DMXL2: variants seen among roughly 807,000 people sequenced by gnomAD.
DMXL2 encodes the protein dmX-like protein 2.
In DMXL2, 103 loss-of-function variants were observed where a neutral mutation model predicts 331.1. The observed-to-expected ratio is 0.31, with a 90% CI of 0.27 to 0.37. The LOEUF is 0.37. DMXL2 is among the 10% of genes least tolerant of loss of function. The pLI is 1.00. For missense variants in DMXL2, 3,171 were observed against 3,642.9 expected (o/e 0.87, Z 3.33); for synonymous variants, 1,281 against 1,252.1 (o/e 1.02, Z -0.49).
chr15:51,480,852 T>G lies in DMXL2; in HGVS notation c.6254A>C (p.His2085Pro), dbSNP rs749845535. The G allele has an allele frequency of 6.2e-7, 1 of 1,613,060 alleles. No homozygotes were observed. The highest frequency in any genetic ancestry group is 8.5e-7 in the Non-Finnish European group (1 of 1,179,632). Residue 2085 changes from histidine to proline, a missense_variant, in exon 24 of 44, where the codon CAT becomes CCT. Physicochemically the swap from His to Pro is moderately conservative, Grantham distance 77. This residue lies in a region of DMXL2 where 197 missense variants were observed against 196.2 expected (regional missense o/e 1.00). Coordinates refer to ENST00000560891, the MANE Select transcript of DMXL2 (RefSeq NM_001378457.1). Reference protein sequence around the residue: ...NWLEKEIAALHEICNHESVIK... With the variant: ...NWLEKEIAALPEICNHESVIK... ...AACTGATTCATGATTACATATCTCATGCAAGGCAGCAATTTCCTTTTCAAG... is the reference window on the plus strand; with the variant it reads ...AACTGATTCATGATTACATATCTCAGGCAAGGCAGCAATTTCCTTTTCAAG...
chr15:51,461,162 T>C (rs1464047157), intron 33 of DMXL2, among the ~76,000 whole-genome samples: 1 of 152,242 alleles, frequency 6.6e-6, no homozygotes, highest in Non-Finnish European at 1.5e-5. Flanking sequence ...GATGCTTATA[T>C]AGCACTTTAA....
rs2050136138 is a variant in DMXL2 at position 51,564,223 on chromosome 15, C to T, written c.402G>A (p.Leu134=). ...RLLTATDSIQ[L]WAPPGDDILE... ...GAATATCATCTCCTGGAGGAGCCCA[C>T]AACTGAATAGAATCAGTTGCTGTCA... Residue 134 remains leucine (L), a synonymous_variant, in exon 5 of 44, where the codon TTG becomes TTA. Coordinates refer to ENST00000560891, the MANE Select transcript of DMXL2 (RefSeq NM_001378457.1). 3 of 1,604,676 alleles carry T rather than the reference C, an allele frequency of 1.9e-6. No homozygotes were observed. The highest frequency in any genetic ancestry group is 2.5e-6 in the Non-Finnish European group (3 of 1,176,716).
intron 1 of DMXL2, among the ~76,000 whole-genome samples, chr15:51,597,297 A>G (rs2052894016): frequency 6.6e-6 from 1 of 152,194 alleles, no homozygotes; most frequent in Non-Finnish European, 1.5e-5. Flanking sequence ...CGTCTCAAGC[A>G]AAAGTAGCCA....
chr15:51,587,899 T>C (rs1263181005), intron 1 of DMXL2, among the ~76,000 whole-genome samples: 2 of 152,186 alleles, frequency 1.3e-5, no homozygotes, highest in African/African-American at 4.8e-5. Flanking sequence ...TGGTTTTGAT[T>C]TGCATTTCTC....
chr15:51,585,245 G>A (rs983356204), intron 1 of DMXL2, among the ~76,000 whole-genome samples: 2 of 126,468 alleles, frequency 1.6e-5, no homozygotes, highest in African/African-American at 3.1e-5. Flanking sequence ...TGCCCATTCA[G>A]TATGATATTG....
rs2041953821 is a variant in DMXL2, at chr15:51,480,775, C to T, written c.6331G>A (p.Asp2111Asn). ...TYSKVESDLL[D>N]QEEMVDKPDI... ...GGTTTGTCTACCATTTCTTCCTGAT[C>T]CAGCAGATCACTCTCTACTTTGGAA... The change falls in exon 24 of 44, where the codon GAT (aspartate) becomes AAT (asparagine). Residue 2111 changes from aspartate (D) to asparagine (N), a missense_variant. Transcript: ENST00000560891. 6.2e-7 allele frequency: 1 copy of T among 1,600,904 alleles called. No homozygotes were observed.
In DMXL2 at chr15:51,457,542, T is replaced by C. The variant is rs2039737995; in HGVS notation, c.8199-76A>G. The C allele has an allele frequency of 4.6e-6, 7 of 1,530,546 alleles. No individual in the cohort carries two copies. In the South Asian group the frequency reaches 7.4e-5, roughly 16 times the overall value. The allele number at this position is 1,530,546 out of a possible 1,614,324, so 94.8% of individuals were successfully genotyped here. On this transcript the variant is annotated intron_variant, in intron 36 of 43. Coordinates refer to ENST00000560891, the MANE Select transcript of DMXL2 (RefSeq NM_001378457.1). ...CAAATTCCAACTAAAAATCTTCTTATGTACCCATAGGACAATCTTTATTTT... is the reference window on the plus strand; with the variant it reads ...CAAATTCCAACTAAAAATCTTCTTACGTACCCATAGGACAATCTTTATTTT...
chr15:51,586,431 C>T (rs145917744), intron 1 of DMXL2, among the ~76,000 whole-genome samples: 85 of 152,066 alleles, frequency 5.6e-4, no homozygotes, highest in African/African-American at 1.7e-3. Flanking sequence ...CTTAAGAAAA[C>T]GTTCTAAGCG....
At chr15:51,521,641 A>G (rs951015731) in intron 13 of DMXL2, among the ~76,000 whole-genome samples, 1 of 152,168 alleles carries the variant, frequency 6.6e-6, no homozygotes, top group African/African-American at 2.4e-5. Flanking sequence ...AATGAATCCA[A>G]TGAGCTGGCT....
At position 51,499,325 on chromosome 15, in the gene DMXL2, G is replaced by A; in HGVS notation, c.3899C>T (p.Thr1300Ile). 1 of 1,613,844 alleles carries A rather than the reference G, an allele frequency of 6.2e-7. No individual in the cohort carries two copies. Among genetic ancestry groups the A allele is most frequent in the African/African-American group, 1.3e-5 (1 of 75,028 alleles). ...AEEAAMQDHS[T>I]FKSNMLARKS... ...TCTTGCCAGCATATTAGATTTAAAG[G>A]TCGAATGATCTTGCATTGCTGCCTC... The change falls in exon 18 of 44, where the codon ACC (threonine) becomes ATC (isoleucine). Residue 1300 changes from threonine to isoleucine, a missense_variant. Coordinates refer to ENST00000560891, the MANE Select transcript of DMXL2 (RefSeq NM_001378457.1).
intron 13 of DMXL2, among the ~76,000 whole-genome samples, chr15:51,527,364 A>T (rs2047733133): frequency 6.6e-6 from 1 of 152,178 alleles, no homozygotes; most frequent in Non-Finnish European, 1.5e-5. Flanking sequence ...TTTCATCAAC[A>T]CCAGACGTGT....
chr15:51,455,078 C>G, intron 40 of DMXL2, 73 bp downstream of exon 40: 3 of 1,206,270 alleles, frequency 2.5e-6, no homozygotes, highest in Non-Finnish European at 3.7e-6. Flanking sequence ...CAATGAGATT[C>G]ACTGTCTGAA....
At position 51,545,657 on chromosome 15, in the gene DMXL2, T is replaced by G; in HGVS notation, c.856A>C (p.Thr286Pro). 1 of 1,613,720 alleles carries G rather than the reference T, an allele frequency of 6.2e-7. No homozygotes were observed. The highest frequency in any genetic ancestry group is 8.5e-7 in the Non-Finnish European group (1 of 1,179,738). ...CTGCTGGCAATGCTGGAAGTGGTAG[T>G]CTCACAAATCTGCTCACCCAAAAGA... is the stretch of plus-strand genomic sequence containing the variant. ...DCLLGEQICE[T>P]TTSSIASSLS... is the part of the protein sequence containing the mutation. The change falls in exon 8 of 44, where the codon ACT becomes CCT. Residue 286 changes from threonine to proline, a missense_variant. Thr to Pro is a conservative substitution (Grantham distance 38). Around this residue, in one of 7 missense-constraint regions of DMXL2, gnomAD observed 1,674 missense variants for 1,780.2 expected, o/e 0.94. Coordinates refer to ENST00000560891, the MANE Select transcript of DMXL2 (RefSeq NM_001378457.1).
intron 18 of DMXL2, among the ~76,000 whole-genome samples, chr15:51,495,995 A>C (rs772551066): frequency 6.6e-5 from 10 of 152,022 alleles, no homozygotes; most frequent in Admixed American, 2.0e-4. Flanking sequence ...TTACTTTTGC[A>C]CCAACCTAAT....
chr15:51,486,018 A>G (rs1293695223), intron 23 of DMXL2, 55 bp downstream of exon 23: 2 of 1,494,174 alleles, frequency 1.3e-6, no homozygotes, highest in Non-Finnish European at 1.8e-6. Flanking sequence ...ACATTAGTTC[A>G]GAAAGTATCT....
intron 6 of DMXL2, among the ~76,000 whole-genome samples, chr15:51,556,575 C>A (rs1299030130): frequency 2.6e-5 from 4 of 151,860 alleles, no homozygotes; most frequent in Admixed American, 2.0e-4. Context: ...GAGTTCGAGA[C>A]CAGCCTGGAC....
intron 1 of DMXL2, among the ~76,000 whole-genome samples, chr15:51,595,229 G>A (rs1229157992): frequency 6.6e-6 from 1 of 152,150 alleles, no homozygotes; most frequent in Non-Finnish European, 1.5e-5. Flanking sequence ...AAAGTCTCAG[G>A]ATACAAAATC....
intron 6 of DMXL2, among the ~76,000 whole-genome samples, chr15:51,557,296 A>C (rs2049661682): frequency 6.6e-6 from 1 of 152,214 alleles, no homozygotes; most frequent in African/African-American, 2.4e-5. Flanking sequence ...CAGTATCAAA[A>C]ACATCAAATA....
intron 17 of DMXL2, among the ~76,000 whole-genome samples, chr15:51,501,162 G>T (rs1415422488): frequency 6.6e-6 from 1 of 152,154 alleles, no homozygotes; most frequent in Non-Finnish European, 1.5e-5. Flanking sequence ...AAAAGCCCAA[G>T]AGTACACTCT....
Sources: gnomAD v4.1 joint callset for allele counts (sites outside exome capture counted in the v4.1 genomes callset) on GRCh38, gnomAD v4.1.1 for gene constraint, gnomAD v4.1.1 regional missense constraint, MANE v1.5 for transcripts, NCBI Gene and HGNC (gene_info 2026-07-23, HGNC 2026-07-21) for gene names.